Variants in HAS2 observed in about 807,000 individuals in gnomAD.
The protein encoded by HAS2 is hyaluronan synthase 2, also known as HA synthase 2.
A neutral mutation model predicts 51.6 loss-of-function variants in HAS2; 16 were observed. The observed-to-expected ratio is 0.31, with a 90% CI of 0.21 to 0.47. The LOEUF is 0.47. Among genes scored for constraint, HAS2 ranks in the 20% least tolerant of loss-of-function variants. The pLI is 1.00. For synonymous variants in HAS2, 228 were observed against 235.5 expected, an observed-to-expected ratio of 0.97 and a Z score of 0.29; for missense variants, 361 against 662.6, an observed-to-expected ratio of 0.54 and a Z score of 5.00.
Position 121,614,691 on chromosome 8 carries a change from G to A in HAS2, c.1077C>T (p.Phe359=). 6.2e-7 allele frequency: 1 copy of A among 1,614,218 alleles called. No homozygotes were observed. Among genetic ancestry groups the A allele is most frequent in the Non-Finnish European group, 8.5e-7 (1 of 1,180,026 alleles). The part of the protein sequence containing the change: ...NQQTRWSKSY[F]REWLYNAMWF... ...ACATTGCATTGTACAGCCATTCTCGGAAGTAGGACTTGCTCCAACGGGTCT... is the reference window on the plus strand; with the variant it reads ...ACATTGCATTGTACAGCCATTCTCGAAAGTAGGACTTGCTCCAACGGGTCT... The change falls in exon 4 of 4, where the codon TTC becomes TTT. Residue 359 remains phenylalanine, a synonymous_variant. Transcript: ENST00000303924. The surrounding 1 kb of genome is among the most constrained non-coding windows in gnomAD (Gnocchi z 7.2).
At chr8:121,633,371 T>A (rs1340730799) in intron 1 of HAS2, among the ~76,000 whole-genome samples, 1 of 152,194 alleles carries the variant, frequency 6.6e-6, no homozygotes, top group Admixed American at 6.5e-5. Context: ...CTTGAACTCC[T>A]GACCTCAGGT....
intron 2 of HAS2, among the ~76,000 whole-genome samples, chr8:121,624,850 C>CT (rs1290501043): frequency 6.6e-6 from 1 of 152,132 alleles, no homozygotes; most frequent in Non-Finnish European, 1.5e-5. Context: ...AATCCCAGCA[C>CT]TTTGGGAGGC....
Position 121,617,158 on chromosome 8 carries a change from C to G in HAS2, c.676G>C (p.Val226Leu), listed in dbSNP as rs773427224. ...ATGGGATCTTCTTCTAAAACTTTTA[C>G]CATCTCCACAGATGAGGCTGGGTCA... is the stretch of plus-strand genomic sequence containing the variant. ...MLDPASSVEM[V>L]KVLEEDPMVG... is the part of the protein sequence containing the mutation. Residue 226 changes from valine (V) to leucine (L), a missense_variant, in exon 3 of 4, where the codon GTA (valine) becomes CTA (leucine). Coordinates refer to ENST00000303924, the MANE Select transcript of HAS2 (RefSeq NM_005328.3). 5.0e-6 allele frequency: 8 copies of G among 1,612,930 alleles called. No homozygotes were observed. The highest frequency in any genetic ancestry group is 6.8e-6 in the Non-Finnish European group (8 of 1,178,936).
chr8:121,638,654 C>T (rs1014344394), intron 1 of HAS2, among the ~76,000 whole-genome samples: 1 of 152,108 alleles, frequency 6.6e-6, no homozygotes, highest in African/African-American at 2.4e-5. Flanking sequence ...CAACAGGTAA[C>T]TTAAAGTGTT....
chr8:121,620,067 T>C (rs1355431257), intron 2 of HAS2, among the ~76,000 whole-genome samples: 2 of 152,192 alleles, frequency 1.3e-5, no homozygotes, highest in African/African-American at 2.4e-5. Context: ...ATTGTTCACA[T>C]GGTGAATTTA....
At chr8:121,632,772 T>C (rs1812951084) in intron 1 of HAS2, among the ~76,000 whole-genome samples, 1 of 152,204 alleles carries the variant, frequency 6.6e-6, no homozygotes, top group East Asian at 1.9e-4. Context: ...ATTATTATAA[T>C]GGTGGCTAAC....
Position 121,616,442 on chromosome 8 carries a change from C to CTT in HAS2, c.729+661_729+662dup, listed in dbSNP as rs531349255. Among the ~76,000 whole-genome samples the CTT allele has an allele frequency of 4.8e-3, 671 of 140,962 alleles. 3 individuals carry two copies. Among genetic ancestry groups the CTT allele is most frequent in the African/African-American group, 0.016 (619 of 38,414 alleles). 92.5% of individuals were successfully genotyped at this position (140,962 alleles called of 152,430 possible). On this transcript the variant is annotated intron_variant, in intron 3 of 3. Transcript: ENST00000303924. ...CTATTTCTTTTTTCTTTTTCTTTTT[C>CTT]TTTTTTTTTTTTGAGACTGGGTCTT...
At chr8:121,619,899 T>C (rs1161867185) in intron 2 of HAS2, among the ~76,000 whole-genome samples, 1 of 152,158 alleles carries the variant, frequency 6.6e-6, no homozygotes. Flanking sequence ...GAGTTAATGT[T>C]CAAATAACTC....
At position 121,614,129 on chromosome 8, in the gene HAS2, C is replaced by A; in HGVS notation, c.1639G>T (p.Asp547Tyr). ...CGRRKKGQQYDMVLDV is the reference protein window; with the variant it reads ...CGRRKKGQQYYMVLDV ...GAAGATCATACATCAAGCACCATGTCATATTGTTGTCCCTTCTTCCGCCTG... is the reference window on the plus strand; with the variant it reads ...GAAGATCATACATCAAGCACCATGTAATATTGTTGTCCCTTCTTCCGCCTG... The change falls in exon 4 of 4, where the codon GAC (aspartate) becomes TAC (tyrosine). Residue 547 changes from aspartate (D) to tyrosine (Y), a missense_variant. Around this residue, in one of 5 missense-constraint regions of HAS2, gnomAD observed 61 missense variants for 73.1 expected, o/e 0.84. Transcript: ENST00000303924. The surrounding 1 kb of genome is among the most constrained non-coding windows in gnomAD (Gnocchi z 7.2). 1.2e-6 allele frequency: 2 copies of A among 1,613,988 alleles called. No homozygotes were observed. Among genetic ancestry groups the A allele is most frequent in the South Asian group, 2.2e-5 (2 of 91,054 alleles).
rs1813100831 is a variant in HAS2, at chr8:121,641,235, A to G, written c.-383T>C. On this transcript the variant is annotated 5_prime_UTR_variant, in exon 1 of 4. Transcript: ENST00000303924. ...GAAAATCTCTTTTTCGTCTTAAAAAAAAAAAAAAAAAAAAAAAAAGCCTGT... is the reference window on the plus strand; with the variant it reads ...GAAAATCTCTTTTTCGTCTTAAAAAGAAAAAAAAAAAAAAAAAAAGCCTGT... The G allele has an allele frequency of 7.6e-6, 1 of 130,920 alleles. No individual in the cohort carries two copies. Among genetic ancestry groups the G allele is most frequent in the Non-Finnish European group, 1.6e-5 (1 of 63,966 alleles). The allele number at this position is 130,920 out of a possible 1,614,324, so 8.1% of individuals were successfully genotyped here.
At chr8:121,625,378 C>T (rs1812832785) in intron 2 of HAS2, among the ~76,000 whole-genome samples, 1 of 151,990 alleles carries the variant, frequency 6.6e-6, no homozygotes, top group Non-Finnish European at 1.5e-5. Flanking sequence ...CAAAGAGGTA[C>T]AAACTTTTGT....
Position 121,638,693 on chromosome 8 carries a change from G to A in HAS2, c.-1+2160C>T, listed in dbSNP as rs568947234. 8.6e-4 allele frequency among the ~76,000 whole-genome samples: 131 copies of A among 152,210 alleles called. 2 individuals carry two copies. The South Asian group carries it at 0.026, about 30-fold the overall frequency. ...TTGTCATTGAAAATGTAAAAGAATCGCCAAACTATTGGGAAAACTTTTGGT... is the reference window on the plus strand; with the variant it reads ...TTGTCATTGAAAATGTAAAAGAATCACCAAACTATTGGGAAAACTTTTGGT... On this transcript the variant is annotated intron_variant, in intron 1 of 3. Coordinates refer to ENST00000303924, the MANE Select transcript of HAS2 (RefSeq NM_005328.3).
rs187661419 is a variant in HAS2 at position 121,634,058 on chromosome 8, G to A, written c.1-4718C>T. On this transcript the variant is annotated intron_variant, in intron 1 of 3. Coordinates refer to ENST00000303924, the MANE Select transcript of HAS2 (RefSeq NM_005328.3). ...CCCAAGTAGCTGGGATTACAGGCAT[G>A]TGCCACCACGCCTGGCTAATTTTGT... 2.6e-3 allele frequency among the ~76,000 whole-genome samples: 395 copies of A among 152,072 alleles called. 6 individuals are homozygous for A. Among genetic ancestry groups the A allele is most frequent in the East Asian group, 0.014 (74 of 5,142 alleles).
chr8:121,639,059 C>T (rs995808238), intron 1 of HAS2, among the ~76,000 whole-genome samples: 2 of 152,188 alleles, frequency 1.3e-5, no homozygotes, highest in African/African-American at 4.8e-5. Context: ...TATGCCTTAA[C>T]CGCAGTGAGA....
Position 121,612,147 on chromosome 8 carries a change from T to C in HAS2, c.*1962A>G, listed in dbSNP as rs1358427725. Reference sequence around the variant, plus strand: ...CAAAAATATTTTATTTACAAAAAATTAATTATACTATACATCCTATACTGG... The same window carrying C: ...CAAAAATATTTTATTTACAAAAAATCAATTATACTATACATCCTATACTGG... On this transcript the variant is annotated 3_prime_UTR_variant, in exon 4 of 4. Coordinates refer to ENST00000303924, the MANE Select transcript of HAS2 (RefSeq NM_005328.3). 1.3e-5 allele frequency: 2 copies of C among 152,102 alleles called. No individual in the cohort carries two copies. Among genetic ancestry groups the C allele is most frequent in the Non-Finnish European group, 2.9e-5 (2 of 68,024 alleles). 9.4% of individuals were successfully genotyped at this position (152,102 alleles called of 1,614,324 possible). A position where few individuals can be genotyped will look rare whatever the true frequency, so the allele number is the denominator to read the frequency against.
chr8:121,635,672 G>A lies in HAS2; in HGVS notation c.-1+5181C>T, dbSNP rs192400355. On this transcript the variant is annotated intron_variant, in intron 1 of 3. Coordinates refer to ENST00000303924, the MANE Select transcript of HAS2 (RefSeq NM_005328.3). ...TACACTTGCGCCTCTTATTCATTGC[G>A]TCTCTTCATCCACTGAAGTCTAAGT... is the stretch of plus-strand genomic sequence containing the variant. 5.9e-5 allele frequency among the ~76,000 whole-genome samples: 9 copies of A among 152,174 alleles called. No homozygotes were observed. The East Asian group carries it at 7.7e-4, about 13-fold the overall frequency.
At chr8:121,618,088 T>C (rs780113363) in intron 2 of HAS2, among the ~76,000 whole-genome samples, 2 of 152,172 alleles carry the variant, frequency 1.3e-5, no homozygotes, top group South Asian at 2.1e-4. Flanking sequence ...GTATTCCTAA[T>C]AGATATTTCT....
At chr8:121,632,706 T>C (rs1484446349) in intron 1 of HAS2, among the ~76,000 whole-genome samples, 1 of 152,146 alleles carries the variant, frequency 6.6e-6, no homozygotes, top group Admixed American at 6.5e-5. Context: ...GTTCAGTAAA[T>C]ATCTGTTGAA....
chr8:121,613,746 T>C lies in HAS2; in HGVS notation c.*363A>G, dbSNP rs1054126435. 1 of 253,538 alleles carries C rather than the reference T, an allele frequency of 3.9e-6. No homozygotes were observed. Among genetic ancestry groups the C allele is most frequent in the African/African-American group, 2.3e-5 (1 of 44,406 alleles). 15.7% of individuals were successfully genotyped at this position (253,538 alleles called of 1,614,324 possible). On this transcript the variant is annotated 3_prime_UTR_variant, in exon 4 of 4. Transcript: ENST00000303924. ...AAAACAGTCCATAAGTTAGGTTGTA[T>C]AGGTTGAAAGAACTTTTCCTTGAGT...
Sources: allele counts gnomAD v4.1 joint callset (sites outside exome capture counted in the v4.1 genomes callset), GRCh38; gene constraint gnomAD v4.1.1; regional missense constraint gnomAD v4.1.1; non-coding constraint Gnocchi (gnomAD v3.1); transcripts MANE v1.5; gene names NCBI Gene and HGNC (gene_info 2026-07-23, HGNC 2026-07-21).